Variants in SLC39A11 observed in about 807,000 individuals in gnomAD.
SLC39A11 encodes zinc transporter ZIP11.
In SLC39A11, 33 loss-of-function variants were observed where a neutral mutation model predicts 36.1. The ratio of observed to expected loss-of-function variants is 0.91; its 90% CI spans 0.69 to 1.22. The LOEUF is 1.22. Ranked by LOEUF, SLC39A11 falls within the 50% of genes most tolerant of loss-of-function variation. The pLI, the probability that SLC39A11 is intolerant of heterozygous loss-of-function variation, is 0.00. For missense variants in SLC39A11, 432 were observed against 430.3 expected (o/e 1.00, Z -0.03); for synonymous variants, 166 against 170.3 (o/e 0.97, Z 0.20).
chr17:72,874,741 A>G (rs2080808400), intron 5 of SLC39A11, among the ~76,000 whole-genome samples: 1 of 152,202 alleles, frequency 6.6e-6, no homozygotes, highest in African/African-American at 2.4e-5. Flanking sequence ...AGGAAGTGGT[A>G]GCAATGTTGG....
At chr17:72,691,395 A>T (rs574496675) in intron 7 of SLC39A11, among the ~76,000 whole-genome samples, 132 of 141,758 alleles carry the variant, frequency 9.3e-4, no homozygotes, top group Non-Finnish European at 1.5e-3. Context: ...TCATGTATAT[A>T]AAAAAAAAAT....
At chr17:72,661,284 T>C (rs2070405676) in intron 7 of SLC39A11, among the ~76,000 whole-genome samples, 2 of 152,162 alleles carry the variant, frequency 1.3e-5, no homozygotes, top group Admixed American at 1.3e-4. Context: ...TGAGCGCAGA[T>C]TGCTGCTCAG....
intron 7 of SLC39A11, among the ~76,000 whole-genome samples, chr17:72,675,213 G>A (rs184968747): frequency 1.3e-5 from 2 of 152,154 alleles, no homozygotes; most frequent in South Asian, 2.1e-4. Flanking sequence ...GCCTTTGGGA[G>A]GTCACTAGGT....
At chr17:72,859,223 G>C (rs1015746667) in intron 5 of SLC39A11, among the ~76,000 whole-genome samples, 1 of 152,184 alleles carries the variant, frequency 6.6e-6, no homozygotes, top group Non-Finnish European at 1.5e-5. Context: ...TTTGTAATCA[G>C]TGCACACAAA....
intron 5 of SLC39A11, among the ~76,000 whole-genome samples, chr17:72,904,663 G>A (rs919092937): frequency 1.3e-5 from 2 of 152,198 alleles, no homozygotes; most frequent in African/African-American, 2.4e-5. Context: ...CTGGGCCCCG[G>A]TTTGTTTCTT....
At chr17:73,044,327 T>C (rs77825406) in intron 3 of SLC39A11, among the ~76,000 whole-genome samples, 71 of 152,316 alleles carry the variant, frequency 4.7e-4, no homozygotes, top group African/African-American at 1.7e-3. Context: ...AATAAACACA[T>C]TGTAGTATAT....
intron 7 of SLC39A11, among the ~76,000 whole-genome samples, chr17:72,660,070 G>A (rs1168226800): frequency 6.6e-6 from 1 of 152,252 alleles, no homozygotes; most frequent in Admixed American, 6.5e-5. Context: ...AGTTACTCAG[G>A]GGTGTTCCCT....
chr17:72,972,395 G>A (rs1265568007), intron 4 of SLC39A11, among the ~76,000 whole-genome samples: 2 of 152,044 alleles, frequency 1.3e-5, no homozygotes, highest in Non-Finnish European at 2.9e-5. Flanking sequence ...CGATCCAATC[G>A]TAAACCTAAT....
intron 6 of SLC39A11, among the ~76,000 whole-genome samples, chr17:72,752,367 C>T (rs2075189157): frequency 6.6e-6 from 1 of 152,124 alleles, no homozygotes; most frequent in African/African-American, 2.4e-5. Flanking sequence ...GCCTCAGCCT[C>T]CCAGGTAGCT....
chr17:72,708,844 T>C (rs565807581), intron 7 of SLC39A11, among the ~76,000 whole-genome samples: 9 of 152,382 alleles, frequency 5.9e-5, no homozygotes, highest in African/African-American at 1.7e-4. Context: ...TTTTCACTTT[T>C]GCTTCTGCGG....
rs534805138 is a variant in SLC39A11 at position 73,021,171 on chromosome 17, C to T, written c.306+10385G>A. ...ACCTGCATCAACACTACCAGCACCA[C>T]GATCAATCCCAGAGGAGATGGACCA... On this transcript the variant is annotated intron_variant, in intron 4 of 9. Transcript: ENST00000255559. Among the ~76,000 whole-genome samples the T allele has an allele frequency of 2.6e-5, 4 of 152,218 alleles. 1 individual carries two copies. In the South Asian group the frequency reaches 6.2e-4, roughly 24 times the overall value.
intron 5 of SLC39A11, among the ~76,000 whole-genome samples, chr17:72,908,314 T>G (rs2147062283): frequency 6.6e-6 from 1 of 152,350 alleles, no homozygotes; most frequent in South Asian, 2.1e-4. Flanking sequence ...CAGTATTCTT[T>G]TGGTGGCAGG....
intron 6 of SLC39A11, among the ~76,000 whole-genome samples, chr17:72,816,452 G>A (rs1381200002): frequency 0.086 from 5 of 58 alleles, no homozygotes; most frequent in South Asian, 0.5. Context: ...AATTAGAAGC[G>A]AAACATTTAA....
At chr17:72,967,252 C>T (rs2087057318) in intron 4 of SLC39A11, among the ~76,000 whole-genome samples, 1 of 152,130 alleles carries the variant, frequency 6.6e-6, no homozygotes, top group Non-Finnish European at 1.5e-5. Flanking sequence ...AAATTGTCTT[C>T]CATGAAACTG....
intron 6 of SLC39A11, among the ~76,000 whole-genome samples, chr17:72,777,968 G>A (rs1175499442): frequency 3.3e-5 from 5 of 152,038 alleles, no homozygotes; most frequent in Non-Finnish European, 5.9e-5. Context: ...GCAGTGGTGC[G>A]ATGTCGGCTC....
chr17:72,971,395 G>A (rs1420943894), intron 4 of SLC39A11, among the ~76,000 whole-genome samples: 1 of 151,842 alleles, frequency 6.6e-6, no homozygotes, highest in East Asian at 1.9e-4. Context: ...CAAGAAAGCA[G>A]CTCTGGGCCC....
intron 7 of SLC39A11, among the ~76,000 whole-genome samples, chr17:72,682,470 G>A (rs72843219): frequency 0.17 from 25,243 of 152,184 alleles, 2,554 homozygotes; most frequent in East Asian, 0.23. Context: ...ATTTTTTGGG[G>A]AGTCCAAAGT....
chr17:72,731,176 G>C (rs551746577), intron 7 of SLC39A11, among the ~76,000 whole-genome samples: 100 of 152,330 alleles, frequency 6.6e-4, no homozygotes, highest in African/African-American at 2.2e-3. Context: ...AAGTTTGGCA[G>C]CTTCTACTCT....
At chr17:73,050,953 G>GA (rs2059476998) in intron 3 of SLC39A11, among the ~76,000 whole-genome samples, 1 of 58,346 alleles carries the variant, frequency 1.7e-5, no homozygotes, top group African/African-American at 5.3e-5. Flanking sequence ...GCTTGTCAAT[G>GA]GAAGAATAAG....
Sources: allele counts gnomAD v4.1 joint callset (sites outside exome capture counted in the v4.1 genomes callset), GRCh38; gene constraint gnomAD v4.1.1; transcripts MANE v1.5; gene names NCBI Gene and HGNC (gene_info 2026-07-23, HGNC 2026-07-21).